The following KCNQ1 variants were observed in gnomAD, a reference collection of about 807,000 sequenced individuals.
The protein encoded by KCNQ1 is potassium voltage-gated channel subfamily KQT member 1.
Under a neutral mutation model 72.4 loss-of-function variants are expected in KCNQ1, and 49 were observed. That is an observed-to-expected ratio of 0.68 (90% CI 0.54 to 0.86). KCNQ1 has a LOEUF of 0.86. Among genes scored for constraint, KCNQ1 ranks in the 40% least tolerant of loss-of-function variants. The probability of loss-of-function intolerance (pLI) is 0.00; values close to 1 mark genes in which losing one functional copy is unlikely to be tolerated. For missense variants in KCNQ1, 790 were observed against 945.1 expected (o/e 0.84, Z 2.15); for synonymous variants, 450 against 412.6 (o/e 1.09, Z -1.10).
chr11:2,682,292 C>T lies in KCNQ1; in HGVS notation c.1514+20211C>T. On this transcript the variant is annotated intron_variant, in intron 11 of 15. Coordinates refer to ENST00000155840, the MANE Select transcript of KCNQ1 (RefSeq NM_000218.3). This position sits in a 1 kb window ranked among gnomAD's most constrained non-coding sequence, Gnocchi z 5.8. ...CTTAAGACTGGGCTGTAAAAAATCACATACCTCCCCTCCCATTCTTAATGT... is the reference window on the plus strand; with the variant it reads ...CTTAAGACTGGGCTGTAAAAAATCATATACCTCCCCTCCCATTCTTAATGT... The T allele has an allele frequency of 5.0e-6, 2 of 398,646 alleles. No individual in the cohort carries two copies. Among genetic ancestry groups the T allele is most frequent in the Non-Finnish European group, 8.8e-6 (2 of 226,086 alleles). 24.7% of individuals were successfully genotyped at this position (398,646 alleles called of 1,614,324 possible).
chr11:2,846,478 C>A (rs1336040610), intron 15 of KCNQ1, among the ~76,000 whole-genome samples: 1 of 152,218 alleles, frequency 6.6e-6, no homozygotes, highest in Non-Finnish European at 1.5e-5. Flanking sequence ...AAGGACCAGC[C>A]CTGTCTCCTG....
At chr11:2,675,477 G>A (rs1370705090) in intron 11 of KCNQ1, 27 of 398,522 alleles carry the variant, frequency 6.8e-5, no homozygotes, top group East Asian at 5.7e-4. Context: ...ACATAAAAAC[G>A]TAAATATTTC....
chr11:2,504,956 A>G (rs1193768317), intron 1 of KCNQ1, among the ~76,000 whole-genome samples: 4 of 151,982 alleles, frequency 2.6e-5, no homozygotes, highest in Non-Finnish European at 5.9e-5. Flanking sequence ...ATGGGTATCA[A>G]TTTTTCTGTT....
At chr11:2,660,702 A>G (rs533319506) in intron 10 of KCNQ1, 3 of 398,610 alleles carry the variant, frequency 7.5e-6, no homozygotes, top group South Asian at 1.3e-4. Context: ...GGTGCTGACA[A>G]CCTTCATTCG....
chr11:2,569,502 G>T (rs1848294803), intron 2 of KCNQ1, among the ~76,000 whole-genome samples: 1 of 152,248 alleles, frequency 6.6e-6, no homozygotes, highest in South Asian at 2.1e-4. Context: ...GGGAGCAGAA[G>T]TCCCCTCCAG....
In KCNQ1 at chr11:2,824,195, C is replaced by G. The variant is rs564183582; in HGVS notation, c.1795-23572C>G. On this transcript the variant is annotated intron_variant, in intron 15 of 15. Coordinates refer to ENST00000155840, the MANE Select transcript of KCNQ1 (RefSeq NM_000218.3). This position sits in a 1 kb window ranked among gnomAD's most constrained non-coding sequence, Gnocchi z 5.9. ...ACTAACTCTTCCAGCAAGAGCCACC[C>G]CCTGGCTGAAGTGTGAGGCTGTCCA... Among the ~76,000 whole-genome samples, 2 of 152,168 alleles carry G rather than the reference C, an allele frequency of 1.3e-5. No homozygotes were observed. Among genetic ancestry groups the G allele is most frequent in the Non-Finnish European group, 2.9e-5 (2 of 68,042 alleles).
chr11:2,609,609 A>G (rs1848944231), intron 10 of KCNQ1: 1 of 398,274 alleles, frequency 2.5e-6, no homozygotes, highest in Non-Finnish European at 4.4e-6. Flanking sequence ...CACATTATTG[A>G]AAGTGGAGTG....
Position 2,657,610 on chromosome 11 carries a change from A to G in KCNQ1, c.1394-4351A>G, listed in dbSNP as rs749567946. ...TACATTGACCAAAACTAAAAAATTAACATTGGTACACTATTAAGCTAGAGT... is the reference window on the plus strand; with the variant it reads ...TACATTGACCAAAACTAAAAAATTAGCATTGGTACACTATTAAGCTAGAGT... On this transcript the variant is annotated intron_variant, in intron 10 of 15. Coordinates refer to ENST00000155840, the MANE Select transcript of KCNQ1 (RefSeq NM_000218.3). The surrounding 1 kb of genome is among the most constrained non-coding windows in gnomAD (Gnocchi z 4.8). 7.3e-5 allele frequency: 29 copies of G among 398,524 alleles called. No homozygotes were observed. The highest frequency in any genetic ancestry group is 1.1e-4 in the Non-Finnish European group (25 of 226,074). The allele number at this position is 398,524 out of a possible 1,614,324, so 24.7% of individuals were successfully genotyped here.
Position 2,602,556 on chromosome 11 carries a change from G to C in KCNQ1, c.1393+13702G>C, listed in dbSNP as rs1292310424. On this transcript the variant is annotated intron_variant, in intron 10 of 15. Transcript: ENST00000155840. The surrounding 1 kb of genome is among the most constrained non-coding windows in gnomAD (Gnocchi z 4.8). ...CCATTCCTGCCAGCAAGGTCTAAGT[G>C]ATCTAGTTTCTCTGCATTCTTGCTG... Among the ~76,000 whole-genome samples, 1 of 152,208 alleles carries C rather than the reference G, an allele frequency of 6.6e-6. No homozygotes were observed. The highest frequency in any genetic ancestry group is 1.5e-5 in the Non-Finnish European group (1 of 68,044).
At chr11:2,794,532 G>A (rs1374923266) in intron 15 of KCNQ1, among the ~76,000 whole-genome samples, 2 of 152,154 alleles carry the variant, frequency 1.3e-5, no homozygotes, top group Non-Finnish European at 2.9e-5. Flanking sequence ...GGGAGAAGCA[G>A]GCTCATGTGA....
At chr11:2,542,314 G>T (rs537921370) in intron 2 of KCNQ1, among the ~76,000 whole-genome samples, 8 of 152,266 alleles carry the variant, frequency 5.3e-5, no homozygotes, top group African/African-American at 1.9e-4. Context: ...TGGCGGGGGC[G>T]GGGAAGGAAG....
rs1305593797 is a variant in KCNQ1 at position 2,461,394 on chromosome 11, A to G, written c.386+15910A>G. 3.2e-6 allele frequency: 4 copies of G among 1,262,286 alleles called. No individual in the cohort carries two copies. In the South Asian group the frequency reaches 3.9e-5, roughly 12 times the overall value. 78.2% of individuals were successfully genotyped at this position (1,262,286 alleles called of 1,614,324 possible). On this transcript the variant is annotated intron_variant, in intron 1 of 15. Coordinates refer to ENST00000155840, the MANE Select transcript of KCNQ1 (RefSeq NM_000218.3). ...AGGGAACCTTGAGTGTGGAGGAGAT[A>G]AGCCTGCTGACTGGGTGAGCCGGCC... is the stretch of plus-strand genomic sequence containing the variant.
At position 2,653,431 on chromosome 11, in the gene KCNQ1, G is replaced by A; in HGVS notation, c.1394-8530G>A. The A allele has an allele frequency of 2.5e-6, 1 of 398,668 alleles. No individual in the cohort carries two copies. The highest frequency in any genetic ancestry group is 4.4e-6 in the Non-Finnish European group (1 of 226,126). 24.7% of individuals were successfully genotyped at this position (398,668 alleles called of 1,614,324 possible). On this transcript the variant is annotated intron_variant, in intron 10 of 15. Coordinates refer to ENST00000155840, the MANE Select transcript of KCNQ1 (RefSeq NM_000218.3). The surrounding 1 kb of genome is among the most constrained non-coding windows in gnomAD (Gnocchi z 5.3). ...GGAACCCCAACTCAAACAAGCTTAA[G>A]CACAAAAGGGACATTTTTTGGCTCA...
rs1387240326 is a variant in KCNQ1 at position 2,479,869 on chromosome 11, C to A, written c.386+34385C>A. Among the ~76,000 whole-genome samples, 1 of 152,188 alleles carries A rather than the reference C, an allele frequency of 6.6e-6. No individual in the cohort carries two copies. The highest frequency in any genetic ancestry group is 1.5e-5 in the Non-Finnish European group (1 of 68,034). On this transcript the variant is annotated intron_variant, in intron 1 of 15. Coordinates refer to ENST00000155840, the MANE Select transcript of KCNQ1 (RefSeq NM_000218.3). This position sits in a 1 kb window ranked among gnomAD's most constrained non-coding sequence, Gnocchi z 4.6. The stretch of plus-strand genomic sequence containing the variant: ...TCAAAACTGAATGCTTTTAACAACA[C>A]CCAAGTCACCTCTTGAAAGCTTTGC...
chr11:2,558,226 C>T (rs925811102), intron 2 of KCNQ1, among the ~76,000 whole-genome samples: 3 of 152,248 alleles, frequency 2.0e-5, no homozygotes, highest in African/African-American at 4.8e-5. Context: ...AATTCCATGC[C>T]AGTGCCCACA....
chr11:2,555,240 A>G (rs1848051540), intron 2 of KCNQ1, among the ~76,000 whole-genome samples: 2 of 152,220 alleles, frequency 1.3e-5, no homozygotes, highest in African/African-American at 4.8e-5. Flanking sequence ...ATTCTTAAAT[A>G]TGACATTTTT....
chr11:2,776,573 C>CG (rs1039350722), intron 13 of KCNQ1, among the ~76,000 whole-genome samples: 1 of 152,214 alleles, frequency 6.6e-6, no homozygotes, highest in Non-Finnish European at 1.5e-5. Context: ...ACCATCCTCC[C>CG]GGGCCTGCAC....
At position 2,475,881 on chromosome 11, in the gene KCNQ1, C is replaced by T. The variant is rs572466025; in HGVS notation, c.386+30397C>T. Among the ~76,000 whole-genome samples, 25 of 152,326 alleles carry T rather than the reference C, an allele frequency of 1.6e-4. No individual in the cohort carries two copies. In the East Asian group the frequency reaches 2.7e-3, roughly 16 times the overall value. On this transcript the variant is annotated intron_variant, in intron 1 of 15. Transcript: ENST00000155840. This position sits in a 1 kb window ranked among gnomAD's most constrained non-coding sequence, Gnocchi z 5.8. ...ATGGGACTTGGTCCTCCTTGCCTTC[C>T]GCCATGATTGTGAGGCTTCCCCAGC...
intron 6 of KCNQ1, among the ~76,000 whole-genome samples, chr11:2,578,638 C>T (rs923981441): frequency 6.6e-6 from 1 of 152,190 alleles, no homozygotes; most frequent in African/African-American, 2.4e-5. Context: ...GCACAGTGAC[C>T]TGGGAATGGC....
Sources: gnomAD v4.1 joint callset for allele counts (sites outside exome capture counted in the v4.1 genomes callset) on GRCh38, gnomAD v4.1.1 for gene constraint, Gnocchi (gnomAD v3.1) non-coding constraint, MANE v1.5 for transcripts, NCBI Gene and HGNC (gene_info 2026-07-23, HGNC 2026-07-21) for gene names.